The following EPHX2 variants were observed in gnomAD, a reference collection of about 807,000 sequenced individuals.
The protein encoded by EPHX2 is bifunctional epoxide hydrolase 2.
Under a neutral mutation model 78.7 loss-of-function variants are expected in EPHX2, and 74 were observed. That is an observed-to-expected ratio of 0.94 (90% confidence interval 0.78 to 1.14). EPHX2 has a LOEUF of 1.14. EPHX2 is among the 50% of genes most tolerant of loss of function. The pLI, the probability that EPHX2 is intolerant of heterozygous loss-of-function variation, is 0.00. For synonymous variants in EPHX2, 251 were observed against 255.2 expected (o/e 0.98, Z 0.16); for missense variants, 715 against 702.5 (o/e 1.02, Z -0.20).
In EPHX2 at chr8:27,504,961, A is replaced by G. The variant is rs1044409070; in HGVS notation, c.352A>G (p.Thr118Ala). The G allele has an allele frequency of 1.1e-5, 17 of 1,613,850 alleles. No individual in the cohort carries two copies. The highest frequency in any genetic ancestry group is 1.4e-5 in the Non-Finnish European group (16 of 1,180,010). Residue 118 changes from threonine to alanine, a missense_variant, in exon 4 of 19, where the codon ACT becomes GCT. Physicochemically the swap from Thr to Ala is moderately conservative, Grantham distance 58. Coordinates refer to ENST00000521400, the MANE Select transcript of EPHX2 (RefSeq NM_001979.6). ...ACTGGTGGCTTTTTGCTCAGGATTC[A>G]CTACTGCCATCCTCACCAACACCTG... ...AALMLRKKGF[T>A]TAILTNTWLD...
chr8:27,502,762 C>A (rs1034307966), intron 2 of EPHX2, among the ~76,000 whole-genome samples: 2 of 152,150 alleles, frequency 1.3e-5, no homozygotes, highest in African/African-American at 4.8e-5. Context: ...TATTTGGGCA[C>A]CAGTCATATT....
At chr8:27,525,245 C>A in intron 11 of EPHX2, 117 bp from the exon 12 acceptor site, 3 of 837,642 alleles carry the variant, frequency 3.6e-6, no homozygotes, top group Non-Finnish European at 6.0e-6. Flanking sequence ...TAGTGTATGA[C>A]CTTGTGCATA....
At position 27,544,509 on chromosome 8, in the gene EPHX2, T is replaced by G. The variant is rs1010888637; in HGVS notation, c.1655T>G (p.Val552Gly). The change falls in exon 19 of 19, where the codon GTC becomes GGC. Residue 552 changes from valine (V) to glycine (G), a missense_variant. Val to Gly is a moderately radical substitution (Grantham distance 109). Transcript: ENST00000521400. ...TCTGATGCCCGGAACCCACCGGTGG[T>G]CTCAAAGATGTAGAACGCAGCGTGT... ...LDSDARNPPV[V>G]SKM is the part of the protein sequence containing the mutation. 1 of 1,613,810 alleles carries G rather than the reference T, an allele frequency of 6.2e-7. No homozygotes were observed. The highest frequency in any genetic ancestry group is 8.5e-7 in the Non-Finnish European group (1 of 1,180,018).
intron 5 of EPHX2, among the ~76,000 whole-genome samples, chr8:27,507,314 C>T (rs903983939): frequency 1.3e-5 from 2 of 152,174 alleles, no homozygotes; most frequent in Non-Finnish European, 2.9e-5. Context: ...GAACGTTTAC[C>T]CTAAGGATCA....
In EPHX2 at chr8:27,511,616, A is replaced by G. The variant is rs72475819; in HGVS notation, c.661-220A>G. 8.5e-5 allele frequency among the ~76,000 whole-genome samples: 13 copies of G among 152,318 alleles called. No individual in the cohort carries two copies. The East Asian group carries it at 2.3e-3, about 27-fold the overall frequency. On this transcript the variant is annotated intron_variant, in intron 5 of 18. Transcript: ENST00000521400. The stretch of plus-strand genomic sequence containing the variant: ...ACTCTTCCATCTGCATCCATTGGCC[A>G]GAACTCAGTCTTGGGGCTCCACTCA...
chr8:27,528,514 G>T (rs988936542), intron 12 of EPHX2, among the ~76,000 whole-genome samples: 1 of 152,130 alleles, frequency 6.6e-6, no homozygotes, highest in Non-Finnish European at 1.5e-5. Flanking sequence ...TCTGCAAAAG[G>T]TTGGTTTTGG....
At position 27,536,816 on chromosome 8, in the gene EPHX2, G is replaced by T; in HGVS notation, c.1203G>T (p.Leu401=). 1 of 1,609,978 alleles carries T rather than the reference G, an allele frequency of 6.2e-7. No individual in the cohort carries two copies. Among genetic ancestry groups the T allele is most frequent in the Non-Finnish European group, 8.5e-7 (1 of 1,177,108 alleles). Residue 401 remains leucine (L), a synonymous_variant, in exon 13 of 19, where the codon CTG becomes CTT. Coordinates refer to ENST00000521400, the MANE Select transcript of EPHX2 (RefSeq NM_001979.6). ...GVAEAELEQN[L]SRTFKSLFRA... Reference sequence around the variant, plus strand: ...CTGAGGCTGAACTGGAACAGAACCTGAGTCGGACTTTCAAAAGCCTCTTCA... The same window carrying T: ...CTGAGGCTGAACTGGAACAGAACCTTAGTCGGACTTTCAAAAGCCTCTTCA...
Position 27,544,829 on chromosome 8 carries a change from A to G in EPHX2, c.*307A>G, listed in dbSNP as rs1563367000. On this transcript the variant is annotated 3_prime_UTR_variant, in exon 19 of 19. Coordinates refer to ENST00000521400, the MANE Select transcript of EPHX2 (RefSeq NM_001979.6). ...CCAGGTGGTGATTTCTCTTTGACCA[A>G]TGCATAGTTTGGCAGAAAAATCAGC... 2.8e-6 allele frequency: 1 copy of G among 354,496 alleles called. No individual in the cohort carries two copies. The highest frequency in any genetic ancestry group is 5.1e-6 in the Non-Finnish European group (1 of 195,354). The allele number at this position is 354,496 out of a possible 1,614,324, so 22.0% of individuals were successfully genotyped here. A position where few individuals can be genotyped will look rare whatever the true frequency, so the allele number is the denominator to read the frequency against.
chr8:27,523,561 A>G (rs865825506), intron 11 of EPHX2, among the ~76,000 whole-genome samples: 9 of 152,350 alleles, frequency 5.9e-5, no homozygotes, highest in African/African-American at 2.2e-4. Flanking sequence ...GGCTAAGTTT[A>G]TGAGATTGGA....
intron 12 of EPHX2, among the ~76,000 whole-genome samples, chr8:27,531,405 G>A (rs1349991071): frequency 6.6e-6 from 1 of 152,210 alleles, no homozygotes; most frequent in African/African-American, 2.4e-5. Flanking sequence ...CAGCCACACT[G>A]CAGAGTCAAA....
intron 9 of EPHX2, among the ~76,000 whole-genome samples, chr8:27,519,519 A>G (rs1475206026): frequency 2.0e-5 from 3 of 152,202 alleles, no homozygotes; most frequent in Non-Finnish European, 2.9e-5. Context: ...CTGTCTTACA[A>G]TGGTGATGGG....
intron 2 of EPHX2, among the ~76,000 whole-genome samples, chr8:27,501,249 T>C (rs919428712): frequency 1.4e-4 from 22 of 152,230 alleles, no homozygotes; most frequent in Non-Finnish European, 2.6e-4. Context: ...TATTGAATTA[T>C]TGACTTTTTA....
downstream of EPHX2, among the ~76,000 whole-genome samples, chr8:27,548,422 A>G (rs1815608118): frequency 6.6e-6 from 1 of 152,218 alleles, no homozygotes. Context: ...AAATGATAAA[A>G]TACTTTCTTG....
chr8:27,505,618 T>G (rs1402508591), intron 4 of EPHX2, among the ~76,000 whole-genome samples: 1 of 152,196 alleles, frequency 6.6e-6, no homozygotes, highest in Non-Finnish European at 1.5e-5. Context: ...TACTTTAATC[T>G]ACAAAAGGTG....
At chr8:27,503,831 T>G in intron 3 of EPHX2, 68 bp downstream of exon 3, 1 of 1,524,104 alleles carries the variant, frequency 6.6e-7, no homozygotes, top group Non-Finnish European at 8.8e-7. Context: ...TAGGTCAGAA[T>G]CCATTGAAGT....
Position 27,529,253 on chromosome 8 carries a change from T to C in EPHX2, c.1170+3780T>C, listed in dbSNP as rs149275079. On this transcript the variant is annotated intron_variant, in intron 12 of 18. Coordinates refer to ENST00000521400, the MANE Select transcript of EPHX2 (RefSeq NM_001979.6). ...TGCTGGAAACAAACAAGGCTTGCTT[T>C]TCTTGCCTTCTCAGAGAAGAGGTGA... 5.1e-3 allele frequency among the ~76,000 whole-genome samples: 776 copies of C among 152,350 alleles called. 6 individuals carry two copies. Among genetic ancestry groups the C allele is most frequent in the African/African-American group, 0.017 (721 of 41,570 alleles).
intron 16 of EPHX2, among the ~76,000 whole-genome samples, chr8:27,542,527 G>C (rs4149258): frequency 0.013 from 2,023 of 152,186 alleles, 27 homozygotes; most frequent in South Asian, 0.02. Context: ...TCATATGACC[G>C]ATGAAAATGA....
intron 16 of EPHX2, among the ~76,000 whole-genome samples, chr8:27,542,175 A>G (rs754130877): frequency 6.6e-6 from 1 of 152,128 alleles, no homozygotes; most frequent in Admixed American, 6.5e-5. Flanking sequence ...CTGTAAGTGA[A>G]CACACTGCTA....
At chr8:27,501,387 C>G (rs1313074653) in intron 2 of EPHX2, among the ~76,000 whole-genome samples, 1 of 67,552 alleles carries the variant, frequency 1.5e-5, no homozygotes, top group African/African-American at 7.5e-5. Flanking sequence ...TCTTCTTCTT[C>G]TTCTTCTTTC....
Sources: gnomAD v4.1 joint callset for allele counts (sites outside exome capture counted in the v4.1 genomes callset) on GRCh38, gnomAD v4.1.1 for gene constraint, MANE v1.5 for transcripts, NCBI Gene and HGNC (gene_info 2026-07-23, HGNC 2026-07-21) for gene names.